The following SCHIP1 variants were observed in gnomAD, a reference collection of about 807,000 sequenced individuals.
The protein encoded by SCHIP1 is schwannomin-interacting protein 1.
In SCHIP1, 8 loss-of-function variants were observed where a neutral mutation model predicts 29.7. The observed-to-expected ratio is 0.27, with a 90% CI of 0.16 to 0.49. SCHIP1 has a LOEUF of 0.49. SCHIP1 is among the 20% of genes least tolerant of loss of function. The pLI, the probability that SCHIP1 is intolerant of heterozygous loss-of-function variation, is 0.99. For synonymous variants in SCHIP1, 76 were observed against 94.9 expected, an observed-to-expected ratio of 0.80 and a Z score of 1.16; for missense variants, 193 against 294.6, an observed-to-expected ratio of 0.66 and a Z score of 2.52.
the SCHIP1 span, among the ~76,000 whole-genome samples, chr3:159,523,140 T>C: frequency 6.6e-6 from 1 of 152,298 alleles, no homozygotes; most frequent in East Asian, 1.9e-4. Context: ...CATCCATACA[T>C]GTTACAGAAT....
chr3:159,398,903 A>G, the SCHIP1 span: 1 of 936,184 alleles, frequency 1.1e-6, no homozygotes, highest in Non-Finnish European at 1.3e-6. Flanking sequence ...TCCTGCAGAC[A>G]GTCAGATATA....
intron 1 of SCHIP1, among the ~76,000 whole-genome samples, chr3:159,842,421 G>A (rs1457507374): frequency 3.9e-5 from 6 of 152,114 alleles, no homozygotes; most frequent in Non-Finnish European, 1.5e-5. Flanking sequence ...AGCCTTCTAT[G>A]TGTTCTACCT....
the SCHIP1 span, among the ~76,000 whole-genome samples, chr3:159,604,363 T>C: frequency 6.6e-6 from 1 of 152,304 alleles, no homozygotes; most frequent in Middle Eastern, 3.4e-3. Flanking sequence ...GAGAATCATT[T>C]AGATGAATTT....
chr3:159,321,648 C>A, the SCHIP1 span, among the ~76,000 whole-genome samples: 3 of 151,858 alleles, frequency 2.0e-5, no homozygotes, highest in East Asian at 3.9e-4. Flanking sequence ...ATGTGCCATG[C>A]GGGCAGAAAC....
At chr3:159,521,251 A>G in the SCHIP1 span, among the ~76,000 whole-genome samples, 1 of 152,212 alleles carries the variant, frequency 6.6e-6, no homozygotes, top group Non-Finnish European at 1.5e-5. Context: ...TCCTGATCAG[A>G]AGAAATAAAT....
chr3:159,816,833 C>G, the SCHIP1 span, among the ~76,000 whole-genome samples: 2 of 151,998 alleles, frequency 1.3e-5, no homozygotes, highest in Non-Finnish European at 2.9e-5. Context: ...TTTGTGGTAC[C>G]CTTTGCCTGA....
the SCHIP1 span, among the ~76,000 whole-genome samples, chr3:159,756,869 C>T: frequency 6.6e-6 from 1 of 152,204 alleles, no homozygotes; most frequent in Non-Finnish European, 1.5e-5. Context: ...TTTGCTAAAA[C>T]AACAAGAGTC....
At chr3:159,360,274 G>A in the SCHIP1 span, among the ~76,000 whole-genome samples, 155 of 152,222 alleles carry the variant, frequency 1.0e-3, 1 homozygote, top group Non-Finnish European at 2.0e-3. Context: ...TTAAAAATTT[G>A]TATTTAGTAT....
At chr3:159,804,694 T>C in the SCHIP1 span, among the ~76,000 whole-genome samples, 1 of 152,248 alleles carries the variant, frequency 6.6e-6, no homozygotes, top group Admixed American at 6.5e-5. Context: ...ATGAAAATCA[T>C]GGAAAACCAA....
the SCHIP1 span, among the ~76,000 whole-genome samples, chr3:159,587,059 G>A: frequency 6.6e-6 from 1 of 152,104 alleles, no homozygotes; most frequent in African/African-American, 2.4e-5. Context: ...GCCAGTCCAA[G>A]GGCAGATGCC....
the SCHIP1 span, among the ~76,000 whole-genome samples, chr3:159,573,496 T>C: frequency 6.6e-6 from 1 of 152,230 alleles, no homozygotes; most frequent in African/African-American, 2.4e-5. Flanking sequence ...TCTGATGGGC[T>C]TCCTTTTGTG....
the SCHIP1 span, among the ~76,000 whole-genome samples, chr3:159,426,554 C>A: frequency 3.9e-5 from 6 of 152,134 alleles, no homozygotes; most frequent in Non-Finnish European, 8.8e-5. Flanking sequence ...AGCTTACCAA[C>A]GAAAAAGAGT....
the SCHIP1 span, among the ~76,000 whole-genome samples, chr3:159,745,086 G>A: frequency 1.3e-5 from 2 of 152,100 alleles, no homozygotes; most frequent in African/African-American, 4.8e-5. Flanking sequence ...TTCCCTATGT[G>A]TATGTCTATA....
At chr3:159,888,115 G>A (rs1717137683) in intron 4 of SCHIP1, 1 of 671,290 alleles carries the variant, frequency 1.5e-6, no homozygotes, top group Non-Finnish European at 2.4e-6. Flanking sequence ...CAAAAGTAAA[G>A]TTTGCTGTTG....
the SCHIP1 span, among the ~76,000 whole-genome samples, chr3:159,599,492 A>G: frequency 6.6e-6 from 1 of 152,136 alleles, no homozygotes; most frequent in Non-Finnish European, 1.5e-5. Context: ...ATGACTGAGA[A>G]CATGCAATGT....
chr3:159,815,188 T>C, the SCHIP1 span, among the ~76,000 whole-genome samples: 2 of 152,206 alleles, frequency 1.3e-5, no homozygotes. Flanking sequence ...ATTACCGTGG[T>C]CTGCACTGCC....
At chr3:159,371,749 G>A in the SCHIP1 span, among the ~76,000 whole-genome samples, 1 of 152,066 alleles carries the variant, frequency 6.6e-6, no homozygotes, top group Admixed American at 6.6e-5. Context: ...TAAATCATCT[G>A]CAGATTATTT....
At chr3:159,860,643 C>T (rs1483508821) in intron 1 of SCHIP1, among the ~76,000 whole-genome samples, 3 of 152,110 alleles carry the variant, frequency 2.0e-5, no homozygotes, top group African/African-American at 7.2e-5. Flanking sequence ...AAGTGAGAAA[C>T]AAATGCATCT....
chr3:159,600,088 G>A, the SCHIP1 span, among the ~76,000 whole-genome samples: 4 of 152,132 alleles, frequency 2.6e-5, no homozygotes, highest in African/African-American at 7.2e-5. Context: ...TGGTTAGTCT[G>A]ATGAGGTTTC....
Sources: allele counts gnomAD v4.1 joint callset (sites outside exome capture counted in the v4.1 genomes callset), GRCh38; gene constraint gnomAD v4.1.1; transcripts MANE v1.5; gene names NCBI Gene and HGNC (gene_info 2026-07-23, HGNC 2026-07-21).